The following FAM107B variants were observed in gnomAD, a reference collection of about 807,000 sequenced individuals.
FAM107B encodes the protein family with sequence similarity 107 member B, also known as protein FAM107B.
A neutral mutation model predicts 31.5 loss-of-function variants in FAM107B; 21 were observed. The observed-to-expected ratio is 0.67, with a 90% CI of 0.47 to 0.96. The LOEUF (loss-of-function observed/expected upper bound fraction) is 0.96, where lower values mean the gene tolerates loss of function less well. Ranked by LOEUF, FAM107B falls within the 40% of genes least tolerant of loss-of-function variation. The pLI, the probability that FAM107B is intolerant of heterozygous loss-of-function variation, is 0.00. For synonymous variants in FAM107B, 157 were observed against 141.5 expected (o/e 1.11, Z -0.78); for missense variants, 452 against 377.1 (o/e 1.20, Z -1.64).
At chr10:14,639,391 C>T (rs924911262) in intron 2 of FAM107B, among the ~76,000 whole-genome samples, 1 of 152,108 alleles carries the variant, frequency 6.6e-6, no homozygotes, top group Non-Finnish European at 1.5e-5. Flanking sequence ...CCTTTCTGTA[C>T]AGCAAGTGTT....
intron 2 of FAM107B, among the ~76,000 whole-genome samples, chr10:14,603,049 A>G (rs1298432596): frequency 6.6e-6 from 1 of 150,950 alleles, no homozygotes; most frequent in Non-Finnish European, 1.5e-5. Context: ...TATGGCTGCC[A>G]AGTCATAAAT....
rs577518590 is a variant in FAM107B at position 14,519,395 on chromosome 10, G to A, written c.*1795C>T. 6.3e-4 allele frequency: 96 copies of A among 152,240 alleles called. No homozygotes were observed. The highest frequency in any genetic ancestry group is 2.2e-3 in the African/African-American group (93 of 41,548). 9.4% of individuals were successfully genotyped at this position (152,240 alleles called of 1,614,324 possible). On this transcript the variant is annotated 3_prime_UTR_variant, in exon 5 of 5. Transcript: ENST00000181796. ...ACAAAGAAAGAATTCCAGTCAACGT[G>A]CAATCAGAAATGGGCTTTTCAAGAT...
chr10:14,749,745 C>T (rs183673442), intron 1 of FAM107B, among the ~76,000 whole-genome samples: 1 of 152,182 alleles, frequency 6.6e-6, no homozygotes, highest in Non-Finnish European at 1.5e-5. Context: ...ATCCTCCCTA[C>T]CATCCCGCTG....
At chr10:14,705,508 T>C (rs1384193468) in intron 1 of FAM107B, among the ~76,000 whole-genome samples, 3 of 152,086 alleles carry the variant, frequency 2.0e-5, no homozygotes, top group African/African-American at 7.2e-5. Flanking sequence ...GGTCTAGCCA[T>C]ACAATGGAAT....
At chr10:14,722,882 C>T (rs1423310784) in intron 1 of FAM107B, among the ~76,000 whole-genome samples, 1 of 152,056 alleles carries the variant, frequency 6.6e-6, no homozygotes, top group Non-Finnish European at 1.5e-5. Context: ...TCTCAGAAAC[C>T]ATTGCCTAAT....
chr10:14,562,329 G>A (rs61842689), intron 2 of FAM107B, among the ~76,000 whole-genome samples: 3,586 of 152,250 alleles, frequency 0.024, 74 homozygotes, highest in Non-Finnish European at 0.034. Context: ...AAACAGTCTT[G>A]GGAGAGATTC....
At chr10:14,564,715 C>T (rs1044196343) in intron 2 of FAM107B, among the ~76,000 whole-genome samples, 3 of 152,092 alleles carry the variant, frequency 2.0e-5, no homozygotes, top group South Asian at 2.1e-4. Context: ...GTGCCCAGAT[C>T]GCAACAGAAA....
chr10:14,581,884 G>A (rs769032658), intron 2 of FAM107B, among the ~76,000 whole-genome samples: 1 of 151,932 alleles, frequency 6.6e-6, no homozygotes, highest in African/African-American at 2.4e-5. Context: ...CTCCAGACTG[G>A]GTAACAGAGC....
At chr10:14,706,234 G>A (rs1246832138) in intron 1 of FAM107B, among the ~76,000 whole-genome samples, 1 of 151,960 alleles carries the variant, frequency 6.6e-6, no homozygotes, top group African/African-American at 2.4e-5. Flanking sequence ...TAAGAGACAG[G>A]GTCTCACTCT....
intron 2 of FAM107B, among the ~76,000 whole-genome samples, chr10:14,632,578 T>C (rs1404139173): frequency 1.5e-5 from 2 of 136,240 alleles, no homozygotes; most frequent in African/African-American, 5.7e-5. Context: ...GCCACTGCAC[T>C]CCAGCCTGGG....
intron 3 of FAM107B, among the ~76,000 whole-genome samples, chr10:14,524,065 C>T (rs1454295804): frequency 7.0e-6 from 1 of 143,444 alleles, no homozygotes; most frequent in East Asian, 2.1e-4. Flanking sequence ...TTTTGAGATA[C>T]AGTTTTCCTC....
At chr10:14,672,594 C>G (rs1026838062) in intron 1 of FAM107B, among the ~76,000 whole-genome samples, 11 of 152,142 alleles carry the variant, frequency 7.2e-5, no homozygotes, top group Non-Finnish European at 1.6e-4. Context: ...GACCTCCATT[C>G]TATATGGGGT....
chr10:14,715,545 T>C (rs546241029), intron 1 of FAM107B, among the ~76,000 whole-genome samples: 1 of 152,328 alleles, frequency 6.6e-6, no homozygotes, highest in East Asian at 1.9e-4. Context: ...TGGTGAAACA[T>C]GATTTCTGGC....
At chr10:14,600,881 T>C (rs1852373024) in intron 2 of FAM107B, among the ~76,000 whole-genome samples, 1 of 152,162 alleles carries the variant, frequency 6.6e-6, no homozygotes. Context: ...TCACAAGCAT[T>C]CCACCTGCCT....
chr10:14,738,085 G>A (rs74425437), intron 1 of FAM107B, among the ~76,000 whole-genome samples: 3,082 of 152,102 alleles, frequency 0.02, 121 homozygotes, highest in African/African-American at 0.071. Context: ...ATATTTACAC[G>A]TACAAATGTA....
At chr10:14,596,751 C>A (rs1852201037) in intron 2 of FAM107B, among the ~76,000 whole-genome samples, 1 of 152,134 alleles carries the variant, frequency 6.6e-6, no homozygotes, top group African/African-American at 2.4e-5. Flanking sequence ...GATTCTCTTG[C>A]ACACCCGACG....
chr10:14,640,584 C>T (rs1853603646), intron 2 of FAM107B, among the ~76,000 whole-genome samples: 1 of 152,172 alleles, frequency 6.6e-6, no homozygotes. Flanking sequence ...TAAAGAGGTG[C>T]TTTCTTGCAA....
chr10:14,578,031 A>AATAAGAG (rs1258734207), intron 2 of FAM107B, among the ~76,000 whole-genome samples: 2 of 152,164 alleles, frequency 1.3e-5, no homozygotes, highest in Non-Finnish European at 2.9e-5. Context: ...TTCATGTTTA[A>AATAAGAG]ATAAGAGCTT....
intron 2 of FAM107B, among the ~76,000 whole-genome samples, chr10:14,601,049 A>G (rs1852380620): frequency 6.6e-6 from 1 of 152,186 alleles, no homozygotes; most frequent in African/African-American, 2.4e-5. Flanking sequence ...TTACAGGCAC[A>G]AGCCACTGTA....
Sources: allele counts gnomAD v4.1 joint callset (sites outside exome capture counted in the v4.1 genomes callset), GRCh38; gene constraint gnomAD v4.1.1; transcripts MANE v1.5; gene names NCBI Gene and HGNC (gene_info 2026-07-23, HGNC 2026-07-21).